SYNJ2: variants seen among roughly 807,000 people sequenced by gnomAD.
SYNJ2 encodes the protein synaptojanin 2.
Under a neutral mutation model 141.3 loss-of-function variants are expected in SYNJ2, and 116 were observed. The observed-to-expected ratio is 0.82, with a 90% CI of 0.71 to 0.96. The LOEUF (loss-of-function observed/expected upper bound fraction) is 0.96. Ranked by LOEUF, SYNJ2 falls within the 40% of genes least tolerant of loss-of-function variation. The pLI is 0.00. For missense variants in SYNJ2, 1,873 were observed against 1,934.8 expected, an observed-to-expected ratio of 0.97 and a Z score of 0.60; for synonymous variants, 745 against 777.7, an observed-to-expected ratio of 0.96 and a Z score of 0.70.
At chr6:157,992,690 G>A (rs1777495745) in intron 1 of SYNJ2, among the ~76,000 whole-genome samples, 1 of 151,444 alleles carries the variant, frequency 6.6e-6, no homozygotes, top group African/African-American at 2.4e-5. Flanking sequence ...GAGCAGGTGT[G>A]AGCAACTGCA....
At chr6:158,058,792 A>C (rs904014675) in intron 6 of SYNJ2, among the ~76,000 whole-genome samples, 1 of 152,122 alleles carries the variant, frequency 6.6e-6, no homozygotes, top group South Asian at 2.1e-4. Context: ...AATTAGCCAG[A>C]TGTGGTGGCA....
In SYNJ2 at chr6:158,071,749, G is replaced by A; in HGVS notation, c.2088G>A (p.Arg696=). Residue 696 remains arginine (R), a synonymous_variant, in exon 15 of 27, where the codon CGG becomes CGA. Coordinates refer to ENST00000355585, the MANE Select transcript of SYNJ2 (RefSeq NM_003898.4). The surrounding 1 kb of genome is among the most constrained non-coding windows in gnomAD (Gnocchi z 4.3). ...CCGGGCAGTCCCAGGTGAAGGAGCGGAATGAAGACTACAAGGAGATCACCC... is the reference window on the plus strand; with the variant it reads ...CCGGGCAGTCCCAGGTGAAGGAGCGAAATGAAGACTACAAGGAGATCACCC... ...LTAGQSQVKE[R]NEDYKEITQK... 6.2e-7 allele frequency: 1 copy of A among 1,613,954 alleles called. No homozygotes were observed. Among genetic ancestry groups the A allele is most frequent in the East Asian group, 2.2e-5 (1 of 44,884 alleles).
chr6:158,074,923 CTTTTTTTTT>C (rs66487650), intron 16 of SYNJ2, among the ~76,000 whole-genome samples, 185 bp downstream of exon 16: 76,096 of 144,456 alleles, frequency 0.53, 19,943 homozygotes, highest in Middle Eastern at 0.61. Flanking sequence ...ACTTCCTGTC[CTTTTTTTTT>C]TTTTTTTTTT....
chr6:158,064,023 G>T, intron 9 of SYNJ2, 151 bp downstream of exon 9: 2 of 771,450 alleles, frequency 2.6e-6, no homozygotes, highest in Admixed American at 2.5e-5. Context: ...GGAGACACTG[G>T]GACATCCAGA....
chr6:158,051,390 G>A (rs1238603065), intron 5 of SYNJ2, among the ~76,000 whole-genome samples: 7 of 152,024 alleles, frequency 4.6e-5, no homozygotes, highest in Non-Finnish European at 8.8e-5. Context: ...GGTGCAGGAT[G>A]GAGCAGGCCT....
chr6:158,067,622 G>A, intron 12 of SYNJ2: 1 of 985,422 alleles, frequency 1.0e-6, no homozygotes, highest in East Asian at 1.1e-4. Flanking sequence ...GTTTTTGCCT[G>A]TTGGTGAGTG....
chr6:158,012,274 G>A (rs1778295968), intron 1 of SYNJ2, among the ~76,000 whole-genome samples: 2 of 152,248 alleles, frequency 1.3e-5, no homozygotes, highest in Admixed American at 1.3e-4. Context: ...GGCTGTGAAT[G>A]TGGCACTTAC....
intron 2 of SYNJ2, among the ~76,000 whole-genome samples, chr6:158,021,170 ACT>A (rs1024235809): frequency 6.6e-6 from 1 of 152,000 alleles, no homozygotes; most frequent in African/African-American, 2.4e-5. Context: ...GCCTCAAGGG[ACT>A]CTACTCCTAT....
intron 1 of SYNJ2, among the ~76,000 whole-genome samples, chr6:158,003,595 AT>A (rs1777940595): frequency 6.6e-6 from 1 of 152,232 alleles, no homozygotes; most frequent in African/African-American, 2.4e-5. Context: ...GCATTGTTAA[AT>A]GACCTCATTA....
Position 158,070,335 on chromosome 6 carries a change from G to C in SYNJ2, c.1940+662G>C, listed in dbSNP as rs145736941. Reference sequence around the variant, plus strand: ...CCTCCCCACTGAGCCCCTGGGTCCCGGGAAGGGCCTGTGCCTGCCAAGAGC... The same window carrying C: ...CCTCCCCACTGAGCCCCTGGGTCCCCGGAAGGGCCTGTGCCTGCCAAGAGC... On this transcript the variant is annotated intron_variant, in intron 14 of 26. Coordinates refer to ENST00000355585, the MANE Select transcript of SYNJ2 (RefSeq NM_003898.4). The surrounding 1 kb of genome is among the most constrained non-coding windows in gnomAD (Gnocchi z 4.0). The C allele has an allele frequency of 1.0e-6, 1 of 985,384 alleles. No homozygotes were observed. The highest frequency in any genetic ancestry group is 1.7e-5 in the African/African-American group (1 of 57,218). The allele number at this position is 985,384 out of a possible 1,614,324, so 61.0% of individuals were successfully genotyped here. A position where few individuals can be genotyped will look rare whatever the true frequency, so the allele number is the denominator to read the frequency against.
intron 9 of SYNJ2, 112 bp from the exon 10 acceptor site, chr6:158,064,489 T>A (rs1781434256): frequency 3.0e-6 from 4 of 1,345,324 alleles, no homozygotes; most frequent in Non-Finnish European, 4.1e-6. Flanking sequence ...GGGCACAGAG[T>A]CTTCCAGGCA....
chr6:158,054,291 A>G (rs548658880), intron 5 of SYNJ2, among the ~76,000 whole-genome samples: 44 of 152,142 alleles, frequency 2.9e-4, no homozygotes, highest in Non-Finnish European at 4.3e-4. Flanking sequence ...CTATTCATCC[A>G]TCCATCCATC....
intron 22 of SYNJ2, among the ~76,000 whole-genome samples, chr6:158,085,789 A>G (rs1185109766): frequency 6.6e-6 from 1 of 152,172 alleles, no homozygotes; most frequent in Non-Finnish European, 1.5e-5. Context: ...GTTTGGACGC[A>G]CAGCTAGGTT....
chr6:158,011,304 G>T (rs978409823), intron 1 of SYNJ2, among the ~76,000 whole-genome samples: 2 of 152,170 alleles, frequency 1.3e-5, no homozygotes, highest in African/African-American at 4.8e-5. Flanking sequence ...CCCTGCTGAT[G>T]CCTGGATTTC....
chr6:158,033,707 C>T (rs1392320396), intron 4 of SYNJ2, 27 bp downstream of exon 4: 1 of 1,583,246 alleles, frequency 6.3e-7, no homozygotes, highest in South Asian at 1.1e-5. Flanking sequence ...ATCTGTGGCA[C>T]CAAATGGTTC....
intron 6 of SYNJ2, among the ~76,000 whole-genome samples, chr6:158,056,678 C>T (rs1780887872): frequency 6.6e-6 from 1 of 152,218 alleles, no homozygotes. Context: ...CTGGCATGTG[C>T]ATTGTCCTGG....
intron 23 of SYNJ2, among the ~76,000 whole-genome samples, chr6:158,088,033 AATTTTTTTTTTTTTTTTTTTTTT>A (rs1783184949): frequency 5.4e-5 from 2 of 36,816 alleles, no homozygotes; most frequent in African/African-American, 1.8e-4. Flanking sequence ...CCTGCTTTGG[AATTTTTTTTTTTTTTTTTTTTTT>A]TTTTTTTTTT....
At chr6:158,038,274 G>A (rs557656276) in intron 4 of SYNJ2, among the ~76,000 whole-genome samples, 3 of 152,270 alleles carry the variant, frequency 2.0e-5, no homozygotes, top group African/African-American at 7.2e-5. Context: ...GCTAGACAGG[G>A]CTGCTCTCCA....
chr6:158,083,914 A>G, intron 21 of SYNJ2, 87 bp from the exon 22 acceptor site: 1 of 1,477,458 alleles, frequency 6.8e-7, no homozygotes, highest in Non-Finnish European at 9.5e-7. Context: ...GTGTCCTGAC[A>G]GGAGCTGAAC....
Sources: allele counts gnomAD v4.1 joint callset (sites outside exome capture counted in the v4.1 genomes callset), GRCh38; gene constraint gnomAD v4.1.1; non-coding constraint Gnocchi (gnomAD v3.1); transcripts MANE v1.5; gene names NCBI Gene and HGNC (gene_info 2026-07-23, HGNC 2026-07-21).